Variants in LRFN5 observed in about 807,000 individuals in gnomAD.
LRFN5 encodes leucine-rich repeat and fibronectin type-III domain-containing protein 5.
A neutral mutation model predicts 45.6 loss-of-function variants in LRFN5; 24 were observed. The ratio of observed to expected loss-of-function variants is 0.53; its 90% confidence interval spans 0.38 to 0.74. LRFN5 has a LOEUF of 0.74. LRFN5 is among the 30% of genes least tolerant of loss of function. The pLI is 0.00. For synonymous variants in LRFN5, 340 were observed against 313.8 expected (o/e 1.08, Z -0.88); for missense variants, 776 against 861.5 (o/e 0.90, Z 1.24).
chr14:41,679,691 G>A (rs1193429180), intron 1 of LRFN5, among the ~76,000 whole-genome samples: 5 of 152,106 alleles, frequency 3.3e-5, no homozygotes, highest in Admixed American at 3.3e-4. Context: ...CCCAGCGGTG[G>A]TAGCTATGGA....
At chr14:41,704,545 A>C (rs573247758) in intron 1 of LRFN5, among the ~76,000 whole-genome samples, 104 of 151,306 alleles carry the variant, frequency 6.9e-4, no homozygotes, top group African/African-American at 2.4e-3. Flanking sequence ...CACAGTCTTG[A>C]ACTCCTGAGC....
chr14:41,725,565 T>C (rs1466645228), intron 1 of LRFN5, among the ~76,000 whole-genome samples: 2 of 152,162 alleles, frequency 1.3e-5, no homozygotes, highest in Admixed American at 6.6e-5. Context: ...TTGTACCATA[T>C]TTTTGGGGCC....
chr14:41,850,378 A>G (rs17112319), intron 2 of LRFN5, among the ~76,000 whole-genome samples: 88,881 of 151,540 alleles, frequency 0.59, 26,237 homozygotes, highest in African/African-American at 0.64. Flanking sequence ...TGCTTCAAAA[A>G]TGAATGAATT....
At position 41,647,091 on chromosome 14, in the gene LRFN5, C is replaced by T. The variant is rs189742754; in HGVS notation, c.-197+38529C>T. Among the ~76,000 whole-genome samples the T allele has an allele frequency of 8.5e-5, 13 of 152,156 alleles. No individual in the cohort carries two copies. In the East Asian group the frequency reaches 2.5e-3, roughly 29 times the overall value. On this transcript the variant is annotated intron_variant, in intron 1 of 5. Coordinates refer to ENST00000298119, the MANE Select transcript of LRFN5 (RefSeq NM_152447.5). ...ATCAATTTATGCACCTAACATTAGC[C>T]CCAAGTCTTATCAAGTTCCCCTGAT...
intron 2 of LRFN5, among the ~76,000 whole-genome samples, chr14:41,814,534 C>T (rs1887850699): frequency 6.6e-6 from 1 of 152,104 alleles, no homozygotes; most frequent in African/African-American, 2.4e-5. Context: ...AAATCATATT[C>T]TGTAGAAAGA....
intron 2 of LRFN5, among the ~76,000 whole-genome samples, chr14:41,844,002 A>G (rs1459953780): frequency 3.9e-5 from 6 of 152,352 alleles, no homozygotes; most frequent in East Asian, 1.9e-4. Context: ...TAGCTAAAAG[A>G]ACAATGGAGG....
chr14:41,674,480 ACGGGG>A, intron 1 of LRFN5, among the ~76,000 whole-genome samples: 1 of 136,764 alleles, frequency 7.3e-6, no homozygotes, highest in African/African-American at 2.8e-5. Flanking sequence ...CACCTCCCGG[ACGGGG>A]TGGCTGGCCG....
intron 1 of LRFN5, among the ~76,000 whole-genome samples, chr14:41,758,098 A>G (rs1474388479): frequency 2.0e-5 from 3 of 152,070 alleles, no homozygotes; most frequent in Non-Finnish European, 4.4e-5. Flanking sequence ...TCTCTTTATC[A>G]TATCTCTTTC....
chr14:41,777,526 C>G (rs1413752201), intron 2 of LRFN5, among the ~76,000 whole-genome samples: 1 of 151,724 alleles, frequency 6.6e-6, no homozygotes, highest in Non-Finnish European at 1.5e-5. Context: ...TGAAGTCTAA[C>G]TAGTTTTAGT....
intron 1 of LRFN5, among the ~76,000 whole-genome samples, chr14:41,698,261 G>T (rs1882697577): frequency 6.6e-6 from 1 of 151,954 alleles, no homozygotes; most frequent in Non-Finnish European, 1.5e-5. Flanking sequence ...ATATGATAAA[G>T]CCTTCTTATT....
intron 1 of LRFN5, among the ~76,000 whole-genome samples, chr14:41,667,166 G>T (rs1880940186): frequency 6.6e-6 from 1 of 152,148 alleles, no homozygotes; most frequent in African/African-American, 2.4e-5. Context: ...GGAAAGCGAT[G>T]AACTGTTAGT....
intron 1 of LRFN5, among the ~76,000 whole-genome samples, chr14:41,633,885 A>G (rs949214121): frequency 5.3e-5 from 8 of 152,140 alleles, no homozygotes; most frequent in African/African-American, 1.9e-4. Flanking sequence ...TATGCTTTAT[A>G]GCAATCCAAA....
intron 1 of LRFN5, among the ~76,000 whole-genome samples, chr14:41,632,093 G>A (rs1888555416): frequency 6.6e-6 from 1 of 152,134 alleles, no homozygotes; most frequent in Non-Finnish European, 1.5e-5. Context: ...GGCGTAGGAA[G>A]TGACTAGATT....
At chr14:41,847,002 G>C (rs1378079752) in intron 2 of LRFN5, among the ~76,000 whole-genome samples, 1 of 152,118 alleles carries the variant, frequency 6.6e-6, no homozygotes, top group Non-Finnish European at 1.5e-5. Flanking sequence ...AACATTCATA[G>C]ATTCCAGGGA....
At chr14:41,847,864 G>A (rs1022512903) in intron 2 of LRFN5, among the ~76,000 whole-genome samples, 2 of 151,870 alleles carry the variant, frequency 1.3e-5, no homozygotes, top group African/African-American at 4.8e-5. Context: ...AATTTTTCAC[G>A]CCATTATATA....
At chr14:41,880,094 A>AT (rs1405776074) in intron 2 of LRFN5, among the ~76,000 whole-genome samples, 4 of 151,152 alleles carry the variant, frequency 2.6e-5, no homozygotes, top group Admixed American at 6.6e-5. Flanking sequence ...CGCCGGGATA[A>AT]TTTTTTGTAT....
chr14:41,871,319 G>A (rs185792788), intron 2 of LRFN5, among the ~76,000 whole-genome samples: 1 of 152,234 alleles, frequency 6.6e-6, no homozygotes, highest in East Asian at 1.9e-4. Flanking sequence ...CAGGCACAGT[G>A]GCTCATGCCT....
At chr14:41,731,003 T>G (rs1326326154) in intron 1 of LRFN5, among the ~76,000 whole-genome samples, 1 of 152,074 alleles carries the variant, frequency 6.6e-6, no homozygotes, top group Non-Finnish European at 1.5e-5. Flanking sequence ...ATGTTCATTT[T>G]TAAAAACAAA....
At chr14:41,673,934 C>G (rs1881413789) in intron 1 of LRFN5, among the ~76,000 whole-genome samples, 1 of 146,636 alleles carries the variant, frequency 6.8e-6, no homozygotes, top group African/African-American at 2.5e-5. Context: ...GGGCGGCTGG[C>G]TGGGCGGGGG....
Sources: allele counts gnomAD v4.1 joint callset (sites outside exome capture counted in the v4.1 genomes callset), GRCh38; gene constraint gnomAD v4.1.1; transcripts MANE v1.5; gene names NCBI Gene and HGNC (gene_info 2026-07-23, HGNC 2026-07-21).